EXOC4: variants seen among roughly 807,000 people sequenced by gnomAD.
EXOC4 encodes exocyst complex component 4, also known as SEC8-like 1.
A neutral mutation model predicts 107.2 loss-of-function variants in EXOC4; 71 were observed. The observed-to-expected ratio is 0.66, with a 90% CI of 0.55 to 0.81. The LOEUF is 0.81. Ranked by LOEUF, EXOC4 falls within the 30% of genes least tolerant of loss-of-function variation. EXOC4 has a pLI of 0.00. For synonymous variants in EXOC4, 456 were observed against 441.2 expected (o/e 1.03, Z -0.42); for missense variants, 1,108 against 1,189.6 (o/e 0.93, Z 1.01).
intron 9 of EXOC4, among the ~76,000 whole-genome samples, chr7:133,591,141 A>C (rs145734472): frequency 6.6e-6 from 1 of 152,162 alleles, no homozygotes; most frequent in Non-Finnish European, 1.5e-5. Context: ...TCCTATTTCA[A>C]TTGCAGCATC....
intron 10 of EXOC4, among the ~76,000 whole-genome samples, chr7:133,704,295 G>A (rs770382349): frequency 3.7e-4 from 56 of 151,942 alleles, no homozygotes; most frequent in Non-Finnish European, 6.3e-4. Context: ...TGTATTTTTC[G>A]TTAACTTTGT....
intron 10 of EXOC4, among the ~76,000 whole-genome samples, chr7:133,811,894 A>G (rs934522273): frequency 6.6e-6 from 1 of 152,188 alleles, no homozygotes; most frequent in Admixed American, 6.5e-5. Context: ...TGATCAAAGG[A>G]CCTTTTAATT....
chr7:133,805,137 A>G (rs913264370), intron 10 of EXOC4, among the ~76,000 whole-genome samples: 4 of 152,236 alleles, frequency 2.6e-5, no homozygotes, highest in Non-Finnish European at 5.9e-5. Context: ...AGGTAGAAAA[A>G]AAGACTAATG....
At chr7:133,254,144 A>C (rs1584750730) in intron 1 of EXOC4, 1 of 152,202 alleles carries the variant, frequency 6.6e-6, no homozygotes, top group Non-Finnish European at 1.5e-5. Context: ...CCAGGGCCCA[A>C]CATTATCTGG....
At chr7:133,269,072 A>C (rs1315273821) in intron 1 of EXOC4, among the ~76,000 whole-genome samples, 2 of 152,212 alleles carry the variant, frequency 1.3e-5, no homozygotes, top group Non-Finnish European at 2.9e-5. Flanking sequence ...ACTTGAATAC[A>C]TCTTGGGTTG....
intron 11 of EXOC4, among the ~76,000 whole-genome samples, chr7:133,861,644 C>T (rs900066206): frequency 6.6e-6 from 1 of 152,120 alleles, no homozygotes; most frequent in East Asian, 1.9e-4. Flanking sequence ...AGTGATTCTC[C>T]TGCCTCAGCC....
intron 10 of EXOC4, among the ~76,000 whole-genome samples, chr7:133,646,123 A>G (rs889147942): frequency 1.3e-5 from 2 of 152,208 alleles, no homozygotes; most frequent in African/African-American, 2.4e-5. Context: ...AAAAGGTGCT[A>G]CAACAAGTCA....
intron 7 of EXOC4, among the ~76,000 whole-genome samples, chr7:133,460,694 C>T (rs899673854): frequency 1.3e-5 from 2 of 152,104 alleles, no homozygotes; most frequent in Non-Finnish European, 2.9e-5. Context: ...CACACACCCA[C>T]CCACACACAC....
At chr7:133,650,489 T>G (rs910236146) in intron 10 of EXOC4, among the ~76,000 whole-genome samples, 1 of 152,104 alleles carries the variant, frequency 6.6e-6, no homozygotes, top group Admixed American at 6.6e-5. Context: ...AATTGGTGGG[T>G]TTTTTTAAAT....
intron 7 of EXOC4, 58 bp from the exon 8 acceptor site, chr7:133,475,270 C>T: frequency 7.1e-7 from 1 of 1,404,116 alleles, no homozygotes; most frequent in Non-Finnish European, 9.9e-7. Flanking sequence ...AATAGTTTTT[C>T]TTAATTGCAC....
chr7:133,570,981 C>A (rs1365787700), intron 9 of EXOC4, among the ~76,000 whole-genome samples: 1 of 152,146 alleles, frequency 6.6e-6, no homozygotes, highest in Non-Finnish European at 1.5e-5. Context: ...GTATTGGTAT[C>A]CCATCTTTAC....
chr7:133,721,162 A>G (rs754659697), intron 10 of EXOC4, among the ~76,000 whole-genome samples: 1 of 152,006 alleles, frequency 6.6e-6, no homozygotes, highest in East Asian at 1.9e-4. Context: ...ATGGAGCTTA[A>G]TTTTCATTTT....
intron 11 of EXOC4, among the ~76,000 whole-genome samples, chr7:133,829,449 G>C (rs1246382579): frequency 6.6e-6 from 1 of 152,212 alleles, no homozygotes. Flanking sequence ...CTCTGAAGGG[G>C]AGACAGAAAG....
chr7:133,365,163 C>T (rs941052902), intron 6 of EXOC4, among the ~76,000 whole-genome samples: 3 of 152,102 alleles, frequency 2.0e-5, no homozygotes, highest in Non-Finnish European at 2.9e-5. Flanking sequence ...CTAAACAATT[C>T]CTCTAGGGGC....
chr7:133,915,384 A>G (rs1263870894), intron 12 of EXOC4, among the ~76,000 whole-genome samples: 1 of 152,234 alleles, frequency 6.6e-6, no homozygotes, highest in Non-Finnish European at 1.5e-5. Flanking sequence ...AATTACTGGA[A>G]ATTAATGAGG....
intron 10 of EXOC4, among the ~76,000 whole-genome samples, chr7:133,709,645 CTTTTTTTTTT>C (rs147956984): frequency 2.6e-4 from 31 of 118,146 alleles, no homozygotes; most frequent in Admixed American, 7.7e-4. Flanking sequence ...AATCTGTTTT[CTTTTTTTTTT>C]TTTTTTTTTT....
At chr7:133,717,901 T>C (rs1030488846) in intron 10 of EXOC4, among the ~76,000 whole-genome samples, 7 of 152,198 alleles carry the variant, frequency 4.6e-5, no homozygotes, top group Non-Finnish European at 8.8e-5. Context: ...ACCTCTCTTA[T>C]AAACAGAGGC....
At chr7:133,826,748 T>G (rs73155111) in intron 11 of EXOC4, among the ~76,000 whole-genome samples, 18,240 of 152,206 alleles carry the variant, frequency 0.12, 1,207 homozygotes, top group Middle Eastern at 0.15. Flanking sequence ...TATTTACTGG[T>G]TTGTTTCATA....
intron 17 of EXOC4, among the ~76,000 whole-genome samples, chr7:134,017,055 T>C (rs554973388): frequency 6.6e-6 from 1 of 152,344 alleles, no homozygotes; most frequent in African/African-American, 2.4e-5. Flanking sequence ...AAGAACAATT[T>C]TGTTTCTGAG....
Sources: allele counts gnomAD v4.1 joint callset (sites outside exome capture counted in the v4.1 genomes callset), GRCh38; gene constraint gnomAD v4.1.1; transcripts MANE v1.5; gene names NCBI Gene and HGNC (gene_info 2026-07-23, HGNC 2026-07-21).